The following IL2RA variants were observed in gnomAD, a reference collection of about 807,000 sequenced individuals.
The protein encoded by IL2RA is interleukin-2 receptor subunit alpha.
A neutral mutation model predicts 37.8 loss-of-function variants in IL2RA; 24 were observed. The ratio of observed to expected loss-of-function variants is 0.63; its 90% CI spans 0.46 to 0.89. The LOEUF is 0.89. Ranked by LOEUF, IL2RA falls within the 40% of genes least tolerant of loss-of-function variation. IL2RA has a pLI of 0.00. For missense variants in IL2RA, 319 were observed against 348.6 expected, an observed-to-expected ratio of 0.92 and a Z score of 0.68; for synonymous variants, 125 against 114.6, an observed-to-expected ratio of 1.09 and a Z score of -0.58.
chr10:6,016,886 T>C (rs1839288612), intron 7 of IL2RA, among the ~76,000 whole-genome samples: 1 of 152,222 alleles, frequency 6.6e-6, no homozygotes, highest in East Asian at 1.9e-4. Flanking sequence ...CTTTTAACTT[T>C]TTAAATTATT....
At chr10:6,023,232 T>C (rs1330522543) in intron 3 of IL2RA, among the ~76,000 whole-genome samples, 1 of 152,200 alleles carries the variant, frequency 6.6e-6, no homozygotes, top group Non-Finnish European at 1.5e-5. Context: ...CAGTTCTTTG[T>C]AAGGTTGTAA....
intron 3 of IL2RA, among the ~76,000 whole-genome samples, chr10:6,023,865 C>T (rs373095250): frequency 5.9e-5 from 9 of 152,194 alleles, no homozygotes; most frequent in South Asian, 4.1e-4. Flanking sequence ...AAGGGGAAGA[C>T]GCAGAGCGTT....
chr10:6,049,550 T>G (rs1839914899), intron 1 of IL2RA, among the ~76,000 whole-genome samples: 1 of 152,202 alleles, frequency 6.6e-6, no homozygotes, highest in Non-Finnish European at 1.5e-5. Flanking sequence ...CATTTCTACC[T>G]TCTTAACTCC....
rs1352326787 is a variant in IL2RA, at chr10:6,018,224, C to A, written c.728-105G>T. ...CTGAGGACATCCCCAAAGAGCAAGG[C>A]GGAGGCTGCAGCCTCTCTTCCCTGT... is the stretch of plus-strand genomic sequence containing the variant. On this transcript the variant is annotated intron_variant, in intron 6 of 7. Coordinates refer to ENST00000379959, the MANE Select transcript of IL2RA (RefSeq NM_000417.3). The surrounding 1 kb of genome is among the most constrained non-coding windows in gnomAD (Gnocchi z 5.1). 2.4e-6 allele frequency: 2 copies of A among 835,688 alleles called. No individual in the cohort carries two copies. The highest frequency in any genetic ancestry group is 4.1e-6 in the Non-Finnish European group (2 of 490,428). The allele number at this position is 835,688 out of a possible 1,614,324, so 51.8% of individuals were successfully genotyped here.
chr10:6,027,922 A>G (rs1013093568), intron 1 of IL2RA, among the ~76,000 whole-genome samples: 8 of 152,224 alleles, frequency 5.3e-5, no homozygotes, highest in African/African-American at 1.9e-4. Flanking sequence ...GATAATAATC[A>G]GAAAAACCAG....
rs1012772481 is a variant in IL2RA at position 6,021,790 on chromosome 10, T to C, written c.368-97A>G. ...CTAGGGACTGGACCTTGGTTCTTAC[T>C]CTCTTGACTGCTTGCTCATCCTTTC... is the stretch of plus-strand genomic sequence containing the variant. On this transcript the variant is annotated intron_variant, in intron 3 of 7. Transcript: ENST00000379959. This position sits in a 1 kb window ranked among gnomAD's most constrained non-coding sequence, Gnocchi z 4.9. 1 of 899,860 alleles carries C rather than the reference T, an allele frequency of 1.1e-6. No individual in the cohort carries two copies. The highest frequency in any genetic ancestry group is 2.4e-5 in the East Asian group (1 of 40,852). 55.7% of individuals were successfully genotyped at this position (899,860 alleles called of 1,614,324 possible).
intron 2 of IL2RA, among the ~76,000 whole-genome samples, chr10:6,024,871 G>A (rs1839455172): frequency 6.6e-6 from 1 of 152,240 alleles, no homozygotes; most frequent in Non-Finnish European, 1.5e-5. Flanking sequence ...ATTGTGAAGA[G>A]TTTGGCAAAG....
In IL2RA at chr10:6,012,938, G is replaced by A; in HGVS notation, c.795-42C>T. On this transcript the variant is annotated intron_variant, in intron 7 of 7. Coordinates refer to ENST00000379959, the MANE Select transcript of IL2RA (RefSeq NM_000417.3). This position sits in a 1 kb window ranked among gnomAD's most constrained non-coding sequence, Gnocchi z 4.8. ...AAGTCACGGTCATATGTGTAACACG[G>A]CACCAAAAAAATGTGGTCCTCACTC... 6.2e-7 allele frequency: 1 copy of A among 1,605,622 alleles called. No individual in the cohort carries two copies. The highest frequency in any genetic ancestry group is 8.5e-7 in the Non-Finnish European group (1 of 1,172,682).
intron 1 of IL2RA, among the ~76,000 whole-genome samples, chr10:6,050,880 G>A (rs1839942265): frequency 2.0e-5 from 3 of 152,124 alleles, no homozygotes; most frequent in African/African-American, 7.2e-5. Context: ...GAGAGACGCT[G>A]GGAGAGGGAA....
At chr10:6,040,074 G>A (rs890191513) in intron 1 of IL2RA, among the ~76,000 whole-genome samples, 2 of 152,194 alleles carry the variant, frequency 1.3e-5, no homozygotes, top group African/African-American at 2.4e-5. Flanking sequence ...AGCATGAATC[G>A]TGAGGGTATG....
chr10:6,041,002 T>G (rs1411250075), intron 1 of IL2RA, among the ~76,000 whole-genome samples: 1 of 152,236 alleles, frequency 6.6e-6, no homozygotes, highest in African/African-American at 2.4e-5. Context: ...CAATCCTTAG[T>G]TGCCAGAAAT....
Position 6,048,695 on chromosome 10 carries a change from T to C in IL2RA, c.64+13393A>G, listed in dbSNP as rs1182063569. Among the ~76,000 whole-genome samples the C allele has an allele frequency of 6.6e-6, 1 of 152,242 alleles. No homozygotes were observed. The highest frequency in any genetic ancestry group is 2.4e-5 in the African/African-American group (1 of 41,466). On this transcript the variant is annotated intron_variant, in intron 1 of 7. Transcript: ENST00000379959. The surrounding 1 kb of genome is among the most constrained non-coding windows in gnomAD (Gnocchi z 5.3). ...CTATGGGTTTGCCTTTCTGCTTCCC[T>C]TCATTCTTCACATAAACCCAGTGCT...
intron 2 of IL2RA, among the ~76,000 whole-genome samples, chr10:6,024,622 G>A (rs1839449641): frequency 6.8e-6 from 1 of 146,876 alleles, no homozygotes; most frequent in African/African-American, 2.4e-5. Context: ...ACGTGTCTGT[G>A]TATGCCATGT....
chr10:6,031,502 A>ATGTATATATATG (rs201395365), intron 1 of IL2RA, among the ~76,000 whole-genome samples: 37 of 81,460 alleles, frequency 4.5e-4, no homozygotes, highest in Admixed American at 1.2e-3. Flanking sequence ...ATGTATATAT[A>ATGTATATATATG]TATATATATG....
chr10:6,026,360 G>A (rs891767220), intron 1 of IL2RA, among the ~76,000 whole-genome samples: 5 of 152,218 alleles, frequency 3.3e-5, no homozygotes, highest in African/African-American at 4.8e-5. Flanking sequence ...AAAGGAAGAA[G>A]CAAAGTTACG....
At chr10:6,053,905 C>T (rs1195104525) in intron 1 of IL2RA, among the ~76,000 whole-genome samples, 2 of 152,232 alleles carry the variant, frequency 1.3e-5, no homozygotes, top group East Asian at 1.9e-4. Flanking sequence ...CTGCATACAG[C>T]GTGGGAGGAA....
Position 6,046,040 on chromosome 10 carries a change from A to G in IL2RA, c.64+16048T>C, listed in dbSNP as rs1007866423. Among the ~76,000 whole-genome samples the G allele has an allele frequency of 1.2e-4, 18 of 152,104 alleles. No individual in the cohort carries two copies. The highest frequency in any genetic ancestry group is 6.6e-5 in the Admixed American group (1 of 15,260). ...AGGCTGACCAAGCCCACGTGTCCAG[A>G]ACCCTCTCCAGAGCTCTCCTCAGGG... On this transcript the variant is annotated intron_variant, in intron 1 of 7. Coordinates refer to ENST00000379959, the MANE Select transcript of IL2RA (RefSeq NM_000417.3). The surrounding 1 kb of genome is among the most constrained non-coding windows in gnomAD (Gnocchi z 4.8).
rs1839665533 is a variant in IL2RA at position 6,035,468 on chromosome 10, A to G, written c.65-9443T>C. The stretch of plus-strand genomic sequence containing the variant: ...TTTCTCTGTTGCACACATGCTTAGT[A>G]TCTGTCTCTCCCTTTGTTCCTGAGT... On this transcript the variant is annotated intron_variant, in intron 1 of 7. Transcript: ENST00000379959. This position sits in a 1 kb window ranked among gnomAD's most constrained non-coding sequence, Gnocchi z 5.4. 6.6e-6 allele frequency among the ~76,000 whole-genome samples: 1 copy of G among 152,180 alleles called. No homozygotes were observed. The highest frequency in any genetic ancestry group is 1.5e-5 in the Non-Finnish European group (1 of 68,028).
chr10:6,017,980 G>A, intron 7 of IL2RA, 73 bp downstream of exon 7: 6 of 1,190,574 alleles, frequency 5.0e-6, no homozygotes, highest in Non-Finnish European at 7.4e-6. Flanking sequence ...GGAGGGGGTA[G>A]GGGGGAGGCA....
Sources: gnomAD v4.1 joint callset for allele counts (sites outside exome capture counted in the v4.1 genomes callset) on GRCh38, gnomAD v4.1.1 for gene constraint, Gnocchi (gnomAD v3.1) non-coding constraint, MANE v1.5 for transcripts, NCBI Gene and HGNC (gene_info 2026-07-23, HGNC 2026-07-21) for gene names.